HDAC9: variants seen among roughly 807,000 people sequenced by gnomAD.
HDAC9 encodes the protein MEF-2 interacting transcription repressor (MITR) protein.
In HDAC9, 41 loss-of-function variants were observed where a neutral mutation model predicts 139.4. The ratio of observed to expected loss-of-function variants is 0.29; its 90% CI spans 0.23 to 0.38. HDAC9 has a LOEUF of 0.38. Among genes scored for constraint, HDAC9 ranks in the 10% least tolerant of loss-of-function variants. The probability of loss-of-function intolerance (pLI) is 1.00; values close to 1 mark genes in which losing one functional copy is unlikely to be tolerated. For synonymous variants in HDAC9, 517 were observed against 476.2 expected, an observed-to-expected ratio of 1.09 and a Z score of -1.12; for missense variants, 1,147 against 1,297.0, an observed-to-expected ratio of 0.88 and a Z score of 1.78.
chr7:18,345,356 A>C (rs1782325506), intron 1 of HDAC9, among the ~76,000 whole-genome samples: 1 of 151,984 alleles, frequency 6.6e-6, no homozygotes, highest in Non-Finnish European at 1.5e-5. Flanking sequence ...TGTGCTTCTA[A>C]ATTGTTAATC....
chr7:18,088,515 A>C (rs1479116860), intron 1 of HDAC9, among the ~76,000 whole-genome samples: 15 of 152,234 alleles, frequency 9.9e-5, no homozygotes, highest in Admixed American at 9.8e-4. Flanking sequence ...AAACCTTATG[A>C]CATTTGAAAA....
intron 21 of HDAC9, among the ~76,000 whole-genome samples, chr7:18,840,577 C>G (rs1796520970): frequency 6.6e-6 from 1 of 152,024 alleles, no homozygotes; most frequent in Non-Finnish European, 1.5e-5. Context: ...AATCGAAATG[C>G]TATGTGCTTC....
intron 21 of HDAC9, among the ~76,000 whole-genome samples, chr7:18,847,691 C>T (rs1050345018): frequency 1.3e-5 from 2 of 152,210 alleles, no homozygotes; most frequent in Non-Finnish European, 2.9e-5. Context: ...GAGGAAGTCT[C>T]CCCCTGAGGG....
At chr7:18,993,833 G>A (rs149110414) in intron 25 of HDAC9, among the ~76,000 whole-genome samples, 1,575 of 152,192 alleles carry the variant, frequency 0.01, 36 homozygotes, top group African/African-American at 0.035. Context: ...AAGAGCGAGA[G>A]AGAGAATTGG....
At chr7:18,978,183 G>A (rs1293143517) in intron 25 of HDAC9, among the ~76,000 whole-genome samples, 1 of 152,104 alleles carries the variant, frequency 6.6e-6, no homozygotes, top group Non-Finnish European at 1.5e-5. Flanking sequence ...AAAGAGTGAA[G>A]GCAAGATTCC....
intron 1 of HDAC9, among the ~76,000 whole-genome samples, chr7:18,135,216 C>G (rs1367274822): frequency 6.7e-6 from 1 of 148,266 alleles, no homozygotes; most frequent in African/African-American, 2.5e-5. Context: ...ACAAAATCCT[C>G]TTAGGAAGAT....
At position 18,670,251 on chromosome 7, in the gene HDAC9, A is replaced by T. The variant is rs902645618; in HGVS notation, c.1731+3775A>T. 3.9e-5 allele frequency among the ~76,000 whole-genome samples: 6 copies of T among 152,144 alleles called. No individual in the cohort carries two copies. In the East Asian group the frequency reaches 1.2e-3, roughly 30 times the overall value. ...GAGACTATTATTCCCTTTATTATTG[A>T]TCATTGCTTCATCTCTGTTTTAAGA... On this transcript the variant is annotated intron_variant, in intron 12 of 25. Transcript: ENST00000686413.
intron 24 of HDAC9, among the ~76,000 whole-genome samples, chr7:18,959,767 T>C (rs1783401291): frequency 6.6e-6 from 1 of 152,152 alleles, no homozygotes; most frequent in Non-Finnish European, 1.5e-5. Flanking sequence ...TTTCTCCCTG[T>C]AGCCCCACTT....
chr7:18,883,723 A>G (rs976076539), intron 22 of HDAC9, among the ~76,000 whole-genome samples: 2 of 152,168 alleles, frequency 1.3e-5, no homozygotes, highest in Non-Finnish European at 2.9e-5. Context: ...AAGGGCATCC[A>G]AATTGGAAAG....
At chr7:18,921,248 A>G (rs1004195220) in intron 22 of HDAC9, among the ~76,000 whole-genome samples, 7 of 152,182 alleles carry the variant, frequency 4.6e-5, no homozygotes, top group African/African-American at 1.7e-4. Flanking sequence ...TAATTAGACT[A>G]AAGAGCTTCT....
intron 1 of HDAC9, among the ~76,000 whole-genome samples, chr7:18,460,010 C>T (rs773920554): frequency 2.0e-5 from 3 of 146,708 alleles, no homozygotes; most frequent in Non-Finnish European, 3.0e-5. Flanking sequence ...GCCTCAAATT[C>T]CTGGGCACAG....
intron 12 of HDAC9, among the ~76,000 whole-genome samples, chr7:18,673,730 A>T (rs2129085223): frequency 6.6e-6 from 1 of 152,186 alleles, no homozygotes; most frequent in Non-Finnish European, 1.5e-5. Context: ...CATCAATTTG[A>T]AAATAGATGG....
chr7:18,502,952 T>C (rs1258183561), intron 2 of HDAC9, among the ~76,000 whole-genome samples: 1 of 152,198 alleles, frequency 6.6e-6, no homozygotes, highest in East Asian at 1.9e-4. Context: ...GAAAGGAGGA[T>C]TATCTTAAAA....
intron 6 of HDAC9, among the ~76,000 whole-genome samples, chr7:18,602,233 C>A (rs1466447571): frequency 1.3e-5 from 2 of 151,984 alleles, no homozygotes; most frequent in African/African-American, 4.8e-5. Flanking sequence ...TCAAACTTGT[C>A]AGTATAGAGT....
At chr7:18,565,607 T>C (rs1213776808) in intron 2 of HDAC9, among the ~76,000 whole-genome samples, 3 of 152,014 alleles carry the variant, frequency 2.0e-5, no homozygotes, top group Non-Finnish European at 2.9e-5. Context: ...CAGGACTACA[T>C]ATTTTGGACA....
chr7:18,816,805 A>G (rs1794594004), intron 17 of HDAC9, among the ~76,000 whole-genome samples: 1 of 152,156 alleles, frequency 6.6e-6, no homozygotes, highest in Admixed American at 6.5e-5. Context: ...CCACGGAACA[A>G]TGTTCAGTTT....
At chr7:18,092,293 G>C (rs1355726268) in intron 1 of HDAC9, among the ~76,000 whole-genome samples, 1 of 152,112 alleles carries the variant, frequency 6.6e-6, no homozygotes. Flanking sequence ...GGCAGGCTGA[G>C]GTGGGAGGAT....
intron 1 of HDAC9, among the ~76,000 whole-genome samples, chr7:18,368,950 A>G (rs543466962): frequency 6.6e-6 from 1 of 152,194 alleles, no homozygotes; most frequent in Admixed American, 6.6e-5. Context: ...TTAAACTTGT[A>G]TTCCATCTGC....
intron 1 of HDAC9, among the ~76,000 whole-genome samples, chr7:18,420,319 A>G (rs1298774798): frequency 2.0e-5 from 3 of 152,178 alleles, no homozygotes; most frequent in South Asian, 4.1e-4. Flanking sequence ...GACTTCTCTC[A>G]TGTTACTTTT....
Sources: allele counts gnomAD v4.1 joint callset (sites outside exome capture counted in the v4.1 genomes callset), GRCh38; gene constraint gnomAD v4.1.1; transcripts MANE v1.5; gene names NCBI Gene and HGNC (gene_info 2026-07-23, HGNC 2026-07-21).